The following KALRN variants were observed in gnomAD, a reference collection of about 807,000 sequenced individuals.
KALRN encodes the protein kalirin RhoGEF kinase, also known as kalirin.
In KALRN, 70 loss-of-function variants were observed where a neutral mutation model predicts 353.7. That is an observed-to-expected ratio of 0.20 (90% CI 0.16 to 0.24). KALRN has a LOEUF of 0.24. KALRN is among the 10% of genes least tolerant of loss of function. KALRN has a pLI of 1.00. For synonymous variants in KALRN, 1,391 were observed against 1,434.8 expected (o/e 0.97, Z 0.69); for missense variants, 2,791 against 3,756.7 (o/e 0.74, Z 6.72).
At chr3:124,439,198 T>TCACACACACACACA (rs1220555173) in intron 18 of KALRN, among the ~76,000 whole-genome samples, 161 bp downstream of exon 18, 6 of 125,532 alleles carry the variant, frequency 4.8e-5, no homozygotes, top group African/African-American at 2.0e-4. Flanking sequence ...TCTCTCTCTC[T>TCACACACACACACA]CTCACACACA....
chr3:124,618,013 A>G (rs2078812558), intron 34 of KALRN, among the ~76,000 whole-genome samples: 1 of 146,080 alleles, frequency 6.8e-6, no homozygotes, highest in Non-Finnish European at 1.5e-5. Flanking sequence ...TGGAGCTGTT[A>G]TGTAGTTAAA....
At chr3:124,679,710 A>G (rs1233520620) in intron 51 of KALRN, 193 bp downstream of exon 51, 4 of 661,182 alleles carry the variant, frequency 6.0e-6, no homozygotes. Context: ...AGAAAACTCT[A>G]CCTAGATTTT....
intron 6 of KALRN, among the ~76,000 whole-genome samples, chr3:124,307,019 G>A (rs1293738941): frequency 6.6e-6 from 1 of 151,766 alleles, no homozygotes; most frequent in African/African-American, 2.4e-5. Context: ...CAAGCTAAAA[G>A]CAAGTGACCC....
At chr3:124,678,130 G>A (rs554830860) in intron 49 of KALRN, 60 bp from the exon 50 acceptor site, 331 of 1,590,294 alleles carry the variant, frequency 2.1e-4, no homozygotes, top group East Asian at 5.4e-4. Flanking sequence ...TGGTGAGCCC[G>A]CCCTCCACAT....
intron 1 of KALRN, among the ~76,000 whole-genome samples, chr3:124,070,428 A>G (rs1236399177): frequency 6.6e-6 from 1 of 151,840 alleles, no homozygotes; most frequent in Non-Finnish European, 1.5e-5. Flanking sequence ...TCCTGCTGGA[A>G]CCTTTGCTTG....
At position 124,101,210 on chromosome 3, in the gene KALRN, T is replaced by C. The variant is rs532647317; in HGVS notation, c.73+67397T>C. ...AATTGACCTGTGTCCCAGGAGGTTG[T>C]TTGGCCTCAGCTTGCTTTGGGTTTA... is the stretch of plus-strand genomic sequence containing the variant. On this transcript the variant is annotated intron_variant, in intron 1 of 59. Coordinates refer to ENST00000682506, the MANE Select transcript of KALRN (RefSeq NM_001388419.1). Among the ~76,000 whole-genome samples the C allele has an allele frequency of 1.2e-3, 190 of 152,300 alleles. 1 individual carries two copies. The highest frequency in any genetic ancestry group is 0.01 in the Middle Eastern group (3 of 294).
intron 12 of KALRN, 98 bp downstream of exon 12, chr3:124,395,441 C>A (rs769394866): frequency 3.7e-5 from 34 of 917,318 alleles, no homozygotes; most frequent in Middle Eastern, 2.7e-4. Context: ...GCTTTGTGGT[C>A]TTGTGTGAGC....
intron 34 of KALRN, chr3:124,584,775 G>A (rs781398645): frequency 2.6e-6 from 4 of 1,566,260 alleles, no homozygotes; most frequent in Admixed American, 1.9e-5. Flanking sequence ...CTCTCACCCC[G>A]GGCTGGCGCC....
At chr3:124,497,979 A>G (rs2064057758) in intron 33 of KALRN, among the ~76,000 whole-genome samples, 1 of 152,214 alleles carries the variant, frequency 6.6e-6, no homozygotes. Context: ...CTGGACTAGA[A>G]GACCTTTGAC....
At chr3:124,140,794 C>CG (rs137928461) in intron 1 of KALRN, among the ~76,000 whole-genome samples, 2,514 of 151,786 alleles carry the variant, frequency 0.017, 83 homozygotes, top group African/African-American at 0.055. Flanking sequence ...CTTGCCCTCC[C>CG]GGGGGGGGCA....
At chr3:124,114,846 G>A (rs1157535644) in intron 1 of KALRN, among the ~76,000 whole-genome samples, 1 of 152,174 alleles carries the variant, frequency 6.6e-6, no homozygotes, top group Non-Finnish European at 1.5e-5. Flanking sequence ...TCTGGTGAAG[G>A]CTAGGAAACT....
intron 5 of KALRN, among the ~76,000 whole-genome samples, chr3:124,286,363 GC>G (rs965396230): frequency 6.6e-6 from 1 of 150,516 alleles, no homozygotes; most frequent in African/African-American, 2.5e-5. Context: ...TCCCACCTCA[GC>G]CTCCCGAGTA....
At chr3:124,319,921 G>A (rs781013663) in intron 6 of KALRN, among the ~76,000 whole-genome samples, 44 of 152,182 alleles carry the variant, frequency 2.9e-4, no homozygotes, top group Middle Eastern at 3.4e-3. Context: ...TTGAACCCAG[G>A]AGGTGGAGGT....
chr3:124,655,233 A>G (rs1034576252), intron 38 of KALRN, among the ~76,000 whole-genome samples: 3 of 152,240 alleles, frequency 2.0e-5, no homozygotes, highest in African/African-American at 7.2e-5. Flanking sequence ...CCAGCCTCAA[A>G]GCTTTCAGAA....
Position 124,413,624 on chromosome 3 carries a change from G to T in KALRN, c.2501G>T (p.Gly834Val). 1.2e-6 allele frequency: 2 copies of T among 1,614,148 alleles called. No individual in the cohort carries two copies. Among genetic ancestry groups the T allele is most frequent in the Non-Finnish European group, 1.7e-6 (2 of 1,180,020 alleles). ...ATGACCTTTGAGGTTATCCAGCAGG[G>T]ACAGGATCTGCACCAGTACATCACG... Reference protein sequence around the residue: ...NNMTFEVIQQGQDLHQYITEV... With the variant: ...NNMTFEVIQQVQDLHQYITEV... Residue 834 changes from glycine to valine, a missense_variant, in exon 14 of 60, where the codon GGA (glycine) becomes GTA (valine). Gly to Val is a moderately radical substitution (Grantham distance 109). This residue lies in a region of KALRN where 452 missense variants were observed against 575.8 expected (regional missense o/e 0.78). Transcript: ENST00000682506.
At chr3:124,295,040 T>C (rs899354833) in intron 5 of KALRN, among the ~76,000 whole-genome samples, 1 of 152,250 alleles carries the variant, frequency 6.6e-6, no homozygotes, top group African/African-American at 2.4e-5. Context: ...CATGCATTCA[T>C]GTATGCACAC....
chr3:124,628,596 T>C (rs35659984), intron 34 of KALRN, among the ~76,000 whole-genome samples: 19,947 of 148,636 alleles, frequency 0.13, 1,522 homozygotes, highest in Non-Finnish European at 0.16. Flanking sequence ...ATTTCTTTTC[T>C]TCTTTCTCTT....
At chr3:124,718,886 C>T (rs1246316734) in intron 59 of KALRN, 39 bp from the exon 60 acceptor site, 2 of 1,593,774 alleles carry the variant, frequency 1.3e-6, no homozygotes, top group Non-Finnish European at 8.6e-7. Flanking sequence ...GAGGCCTAAA[C>T]TTCCCTTCTT....
intron 1 of KALRN, among the ~76,000 whole-genome samples, chr3:124,065,651 A>G (rs1452693918): frequency 2.4e-5 from 3 of 123,864 alleles, no homozygotes; most frequent in Non-Finnish European, 5.3e-5. Flanking sequence ...AAAAAAAAAA[A>G]AGAGTACAGG....
Sources: gnomAD v4.1 joint callset for allele counts (sites outside exome capture counted in the v4.1 genomes callset) on GRCh38, gnomAD v4.1.1 for gene constraint, gnomAD v4.1.1 regional missense constraint, MANE v1.5 for transcripts, NCBI Gene and HGNC (gene_info 2026-07-23, HGNC 2026-07-21) for gene names.